PACS2: variants seen among roughly 807,000 people sequenced by gnomAD.
PACS2 encodes phosphofurin acidic cluster sorting protein 2.
PACS2 carries 36 observed loss-of-function variants against 113.0 expected under a neutral mutation model. The ratio of observed to expected loss-of-function variants is 0.32; its 90% CI spans 0.24 to 0.42. The LOEUF is 0.42. Among genes scored for constraint, PACS2 ranks in the 10% least tolerant of loss-of-function variants. The pLI is 1.00. For missense variants in PACS2, 1,015 were observed against 1,239.5 expected (o/e 0.82, Z 2.72); for synonymous variants, 589 against 536.1 (o/e 1.10, Z -1.36).
chr14:105,371,820 C>T (rs1475839355), intron 8 of PACS2: 4 of 152,230 alleles, frequency 2.6e-5, no homozygotes, highest in Admixed American at 6.5e-5. Context: ...GTGTATTTCT[C>T]GCAGTTCCGG....
chr14:105,336,403 C>G (rs111389938), intron 1 of PACS2: 1 of 152,398 alleles, frequency 6.6e-6, no homozygotes, highest in Non-Finnish European at 1.5e-5. Flanking sequence ...GGCCACGCAG[C>G]CTCTCCAGGA....
chr14:105,388,872 T>C (rs2081265188), intron 19 of PACS2: 2 of 152,500 alleles, frequency 1.3e-5, no homozygotes, highest in East Asian at 3.9e-4. Context: ...TGTCCCTACG[T>C]GCAGGCCACG....
At chr14:105,367,695 G>A (rs2060986509) in intron 5 of PACS2, among the ~76,000 whole-genome samples, 1 of 152,258 alleles carries the variant, frequency 6.6e-6, no homozygotes, top group South Asian at 2.1e-4. Context: ...CCATGGGCAG[G>A]TGCCACAGCT....
rs1032045605 is a variant in PACS2, at chr14:105,365,883, C to T, written c.424-1330C>T. 2.0e-5 allele frequency among the ~76,000 whole-genome samples: 3 copies of T among 152,334 alleles called. No homozygotes were observed. Among genetic ancestry groups the T allele is most frequent in the East Asian group, 1.9e-4 (1 of 5,192 alleles). On this transcript the variant is annotated intron_variant, in intron 4 of 24. Coordinates refer to ENST00000447393, the MANE Select transcript of PACS2 (RefSeq NM_001100913.3). This position sits in a 1 kb window ranked among gnomAD's most constrained non-coding sequence, Gnocchi z 5.1. Reference sequence around the variant, plus strand: ...CAAGTACGTGAAGCTGCGTGTGCCCCGGCGAGTTGTGGGCACGAGGGCGTC... The same window carrying T: ...CAAGTACGTGAAGCTGCGTGTGCCCTGGCGAGTTGTGGGCACGAGGGCGTC...
At chr14:105,327,027 TG>T (rs1377415442) in intron 1 of PACS2, among the ~76,000 whole-genome samples, 37 of 152,352 alleles carry the variant, frequency 2.4e-4, no homozygotes, top group African/African-American at 8.9e-4. Flanking sequence ...TTGGCTCGCC[TG>T]GCTATGGCTT....
chr14:105,353,510 A>G (rs1555404661), intron 3 of PACS2, among the ~76,000 whole-genome samples: 2 of 152,098 alleles, frequency 1.3e-5, no homozygotes, highest in African/African-American at 4.8e-5. Context: ...GCGTTACTGC[A>G]GATCTTCTGT....
intron 19 of PACS2, 61 bp from the exon 20 acceptor site, chr14:105,389,900 G>A (rs986669287): frequency 6.1e-6 from 9 of 1,468,678 alleles, no homozygotes; most frequent in Admixed American, 1.7e-5. Flanking sequence ...AGAGGGAGCT[G>A]TGCCCACCAG....
Position 105,323,556 on chromosome 14 carries a change from G to A in PACS2, c.119+8519G>A, listed in dbSNP as rs2058977623. Among the ~76,000 whole-genome samples, 1 of 152,368 alleles carries A rather than the reference G, an allele frequency of 6.6e-6. No homozygotes were observed. The highest frequency in any genetic ancestry group is 2.1e-4 in the South Asian group (1 of 4,832). The stretch of plus-strand genomic sequence containing the variant: ...TAATGGAACCAGGATGTCATGCCAA[G>A]GAGTGTGGTTTCATTTTGAGTGGTG... On this transcript the variant is annotated intron_variant, in intron 1 of 24. Coordinates refer to ENST00000447393, the MANE Select transcript of PACS2 (RefSeq NM_001100913.3). The surrounding 1 kb of genome is among the most constrained non-coding windows in gnomAD (Gnocchi z 4.1).
chr14:105,350,488 C>T (rs1213187744), intron 2 of PACS2, among the ~76,000 whole-genome samples: 4 of 152,198 alleles, frequency 2.6e-5, no homozygotes, highest in Non-Finnish European at 5.9e-5. Context: ...CTCTCCAGCC[C>T]CTCTGTGTAG....
chr14:105,382,167 C>A, intron 13 of PACS2, 109 bp downstream of exon 13: 2 of 1,237,912 alleles, frequency 1.6e-6, no homozygotes, highest in Non-Finnish European at 2.2e-6. Flanking sequence ...TGCTGGGCCA[C>A]AGAGCATGCC....
chr14:105,383,507 C>A lies in PACS2; in HGVS notation c.1774C>A (p.Pro592Thr). The change falls in exon 16 of 25, where the codon CCA (proline) becomes ACA (threonine). Residue 592 changes from proline (P) to threonine (T), a missense_variant. Pro to Thr is a conservative substitution (Grantham distance 38, BLOSUM62 -1). Around this residue, in one of 3 missense-constraint regions of PACS2, gnomAD observed 859 missense variants for 1,056.8 expected, o/e 0.81. Transcript: ENST00000447393. ...WLGYMRFLVI[P>T]LGSHPVARYL... The stretch of plus-strand genomic sequence containing the variant: ...CGGCTACATGCGCTTCCTGGTCATC[C>A]CACTGGGTGAGCACCACGCCGTCCA... 1.3e-6 allele frequency: 2 copies of A among 1,592,496 alleles called. No individual in the cohort carries two copies. Among genetic ancestry groups the A allele is most frequent in the Non-Finnish European group, 1.7e-6 (2 of 1,169,530 alleles).
rs1555407692 is a variant in PACS2 at position 105,365,376 on chromosome 14, T to C, written c.424-1837T>C. Reference sequence around the variant, plus strand: ...CTGGGACTTCCAGGGCCTGCAGATATCAAAATAGTGTTCACATATAGGTCG... The same window carrying C: ...CTGGGACTTCCAGGGCCTGCAGATACCAAAATAGTGTTCACATATAGGTCG... On this transcript the variant is annotated intron_variant, in intron 4 of 24. Coordinates refer to ENST00000447393, the MANE Select transcript of PACS2 (RefSeq NM_001100913.3). The surrounding 1 kb of genome is among the most constrained non-coding windows in gnomAD (Gnocchi z 5.1). 6.6e-6 allele frequency among the ~76,000 whole-genome samples: 1 copy of C among 152,010 alleles called. No individual in the cohort carries two copies. Among genetic ancestry groups the C allele is most frequent in the African/African-American group, 2.4e-5 (1 of 41,416 alleles).
Position 105,334,821 on chromosome 14 carries a change from G to T in PACS2, c.120-13672G>T, listed in dbSNP as rs192430479. 2.6e-3 allele frequency among the ~76,000 whole-genome samples: 397 copies of T among 152,402 alleles called. 2 individuals carry two copies. The highest frequency in any genetic ancestry group is 6.8e-3 in the Middle Eastern group (2 of 294). Reference sequence around the variant, plus strand: ...ATGCAGCTCATAACGTGCACTGCGGGGGGGAGCTGTGGCATCTTTTCCCAG... The same window carrying T: ...ATGCAGCTCATAACGTGCACTGCGGTGGGGAGCTGTGGCATCTTTTCCCAG... On this transcript the variant is annotated intron_variant, in intron 1 of 24. Coordinates refer to ENST00000447393, the MANE Select transcript of PACS2 (RefSeq NM_001100913.3).
At chr14:105,341,290 G>T (rs138135724) in intron 1 of PACS2, among the ~76,000 whole-genome samples, 2 of 152,334 alleles carry the variant, frequency 1.3e-5, no homozygotes, top group Non-Finnish European at 2.9e-5. Flanking sequence ...CTGGGATTCG[G>T]ATTCAAGTCG....
intron 19 of PACS2, among the ~76,000 whole-genome samples, chr14:105,388,460 G>A (rs2081251850): frequency 6.6e-6 from 1 of 152,232 alleles, no homozygotes; most frequent in Non-Finnish European, 1.5e-5. Flanking sequence ...GCTGGTCCTG[G>A]GAGCTGGTGC....
intron 1 of PACS2, among the ~76,000 whole-genome samples, chr14:105,305,013 G>A (rs587742779): frequency 2.6e-5 from 4 of 152,310 alleles, no homozygotes; most frequent in South Asian, 2.1e-4. Context: ...ATATGTTGAC[G>A]TCCTTGCCCC....
chr14:105,367,177 C>A, intron 4 of PACS2, 36 bp from the exon 5 acceptor site: 2 of 1,597,230 alleles, frequency 1.3e-6, no homozygotes, highest in Non-Finnish European at 1.7e-6. Context: ...TCCTTCCCGT[C>A]GTGCTGCTTT....
At position 105,376,842 on chromosome 14, in the gene PACS2, C is replaced by T. The variant is rs4074004; in HGVS notation, c.876C>T (p.Thr292=). 8.1e-6 allele frequency: 13 copies of T among 1,613,044 alleles called. No individual in the cohort carries two copies. Among genetic ancestry groups the T allele is most frequent in the East Asian group, 2.2e-5 (1 of 44,874 alleles). ...AEEDLDLLYD[T]LDMEHPSDSG... is the part of the protein sequence containing the mutation. ...AGGACCTGGACCTCCTGTATGACAC[C>T]CTGGACATGGAGCACCCCAGCGACA... The change falls in exon 9 of 25, where the codon ACC becomes ACT. Residue 292 remains threonine (T), a synonymous_variant. Coordinates refer to ENST00000447393, the MANE Select transcript of PACS2 (RefSeq NM_001100913.3). The surrounding 1 kb of genome is among the most constrained non-coding windows in gnomAD (Gnocchi z 4.7).
At chr14:105,311,005 T>C (rs748277602), upstream of PACS2, among the ~76,000 whole-genome samples, 1 of 152,184 alleles carries the variant, frequency 6.6e-6, no homozygotes, top group East Asian at 1.9e-4. Context: ...CAGGCTGGAG[T>C]GCAGTGGCAC....
Sources: allele counts gnomAD v4.1 joint callset (sites outside exome capture counted in the v4.1 genomes callset), GRCh38; gene constraint gnomAD v4.1.1; regional missense constraint gnomAD v4.1.1; non-coding constraint Gnocchi (gnomAD v3.1); transcripts MANE v1.5; gene names NCBI Gene and HGNC (gene_info 2026-07-23, HGNC 2026-07-21).